The following DOCK9 variants were observed in gnomAD, a reference collection of about 807,000 sequenced individuals.
DOCK9 encodes dedicator of cytokinesis protein 9.
In DOCK9, 89 loss-of-function variants were observed where a neutral mutation model predicts 263.3. The ratio of observed to expected loss-of-function variants is 0.34; its 90% CI spans 0.28 to 0.40. The LOEUF is 0.40. DOCK9 is among the 10% of genes least tolerant of loss of function. The pLI is 1.00. For missense variants in DOCK9, 2,140 were observed against 2,603.4 expected (o/e 0.82, Z 3.87); for synonymous variants, 976 against 973.1 (o/e 1.00, Z -0.06).
chr13:98,860,209 G>A (rs1002487864), intron 33 of DOCK9, 196 bp downstream of exon 33: 1 of 1,422,188 alleles, frequency 7.0e-7, no homozygotes, highest in Non-Finnish European at 9.2e-7. Context: ...GGAGTCACAG[G>A]CATCCGGGAC....
intron 1 of DOCK9, among the ~76,000 whole-genome samples, chr13:99,052,015 C>T (rs1239094572): frequency 6.6e-6 from 1 of 152,170 alleles, no homozygotes; most frequent in Non-Finnish European, 1.5e-5. Flanking sequence ...GCAACAGAAG[C>T]CAAACTGATA....
intron 1 of DOCK9, among the ~76,000 whole-genome samples, chr13:98,991,847 A>T (rs575221769): frequency 9.9e-5 from 15 of 152,156 alleles, no homozygotes; most frequent in East Asian, 1.9e-4. Context: ...AAGTAAAAAA[A>T]AATAATAATA....
chr13:98,800,548 T>C (rs2090000104), intron 49 of DOCK9, 70 bp from the exon 50 acceptor site: 1 of 1,510,790 alleles, frequency 6.6e-7, no homozygotes, highest in Non-Finnish European at 9.0e-7. Context: ...CTGATTATTA[T>C]TAGAAGTGAT....
intron 1 of DOCK9, among the ~76,000 whole-genome samples, chr13:99,041,457 T>C (rs553014630): frequency 6.8e-6 from 1 of 147,878 alleles, no homozygotes; most frequent in Admixed American, 6.8e-5. Flanking sequence ...CATTCCAGCC[T>C]GGGAAACAAA....
chr13:98,993,217 C>T (rs1376023182), intron 1 of DOCK9, among the ~76,000 whole-genome samples: 1 of 152,112 alleles, frequency 6.6e-6, no homozygotes, highest in Non-Finnish European at 1.5e-5. Context: ...CTTCAATTAC[C>T]GGCACAATTC....
chr13:99,026,720 A>C (rs1219298900), intron 1 of DOCK9, among the ~76,000 whole-genome samples: 1 of 151,822 alleles, frequency 6.6e-6, no homozygotes, highest in Non-Finnish European at 1.5e-5. Flanking sequence ...AAAAAATACC[A>C]ATTGGAGAAA....
chr13:98,863,258 A>C (rs879750872), intron 31 of DOCK9, 112 bp downstream of exon 31: 166 of 1,515,592 alleles, frequency 1.1e-4, no homozygotes, highest in Admixed American at 1.6e-4. Flanking sequence ...GTCCCAAAAT[A>C]GAGCAAAATC....
upstream of DOCK9, among the ~76,000 whole-genome samples, chr13:98,982,200 A>G (rs1431680655): frequency 3.9e-5 from 6 of 152,216 alleles, no homozygotes; most frequent in Non-Finnish European, 7.4e-5. Context: ...TCGGGTACTC[A>G]AAACCATGAA....
chr13:98,809,491 C>A, intron 46 of DOCK9, 26 bp from the exon 47 acceptor site: 1 of 1,545,930 alleles, frequency 6.5e-7, no homozygotes, highest in Non-Finnish European at 8.8e-7. Context: ...AAGCCCATTT[C>A]TTCCCATGTG....
At chr13:98,967,689 C>T (rs1209311081) in intron 1 of DOCK9, among the ~76,000 whole-genome samples, 3 of 152,222 alleles carry the variant, frequency 2.0e-5, no homozygotes, top group Admixed American at 6.5e-5. Flanking sequence ...ATTCTCCCCA[C>T]TCTGAGATCT....
intron 2 of DOCK9, among the ~76,000 whole-genome samples, chr13:98,948,807 G>T (rs1343812425): frequency 1.1e-4 from 17 of 152,106 alleles, no homozygotes; most frequent in Non-Finnish European, 2.9e-5. Context: ...AACAGTATTT[G>T]TCCTTCTGTC....
At chr13:98,856,068 A>T in intron 33 of DOCK9, 37 bp from the exon 34 acceptor site, 1 of 1,607,242 alleles carries the variant, frequency 6.2e-7, no homozygotes, top group Non-Finnish European at 8.5e-7. Flanking sequence ...AGTTTTATTA[A>T]GACAGAACAA....
At chr13:98,896,033 T>C (rs2047375092) in intron 15 of DOCK9, among the ~76,000 whole-genome samples, 1 of 152,100 alleles carries the variant, frequency 6.6e-6, no homozygotes, top group African/African-American at 2.4e-5. Flanking sequence ...CCTTCTCCAA[T>C]TCCCTACGTG....
intron 15 of DOCK9, among the ~76,000 whole-genome samples, chr13:98,895,927 C>CAGAT (rs990447629): frequency 4.6e-5 from 7 of 152,162 alleles, no homozygotes; most frequent in African/African-American, 1.4e-4. Flanking sequence ...ATAAAACTGT[C>CAGAT]AGATAGTGAC....
chr13:98,881,728 T>C, intron 24 of DOCK9, 101 bp from the exon 25 acceptor site: 4 of 1,339,454 alleles, frequency 3.0e-6, no homozygotes, highest in East Asian at 5.0e-5. Flanking sequence ...TATCAGCACT[T>C]AGGAAACAAG....
intron 38 of DOCK9, chr13:98,845,430 T>C: frequency 8.3e-7 from 1 of 1,200,378 alleles, no homozygotes. Flanking sequence ...CCTCACAAAT[T>C]GATTCATGGG....
At chr13:99,074,617 T>C (rs2041833690) in intron 1 of DOCK9, among the ~76,000 whole-genome samples, 1 of 127,788 alleles carries the variant, frequency 7.8e-6, no homozygotes, top group Non-Finnish European at 1.6e-5. Flanking sequence ...TCCCAGAATG[T>C]GTGATACAAA....
chr13:98,897,518 T>A lies in DOCK9; in HGVS notation c.1679A>T (p.Asp560Val). 6.2e-7 allele frequency: 1 copy of A among 1,613,860 alleles called. No individual in the cohort carries two copies. The highest frequency in any genetic ancestry group is 2.2e-5 in the East Asian group (1 of 44,874). ...AAAGTCTGCAAGTAACTTGAGCATG[T>A]CATCATTGGATAGCTTATTGCTGTC... ...RQDSNKLSND[D>V]MLKLLADFRK... is the part of the protein sequence containing the mutation. Residue 560 changes from aspartate (D) to valine (V), a missense_variant, in exon 15 of 53, where the codon GAC becomes GTC. Transcript: ENST00000682017.
intron 9 of DOCK9, among the ~76,000 whole-genome samples, chr13:98,913,109 C>G (rs1595248059): frequency 6.6e-6 from 1 of 152,204 alleles, no homozygotes; most frequent in Admixed American, 6.5e-5. Flanking sequence ...AAAAACAATG[C>G]TCTAAAGCCC....
Sources: allele counts gnomAD v4.1 joint callset (sites outside exome capture counted in the v4.1 genomes callset), GRCh38; gene constraint gnomAD v4.1.1; transcripts MANE v1.5; gene names NCBI Gene and HGNC (gene_info 2026-07-23, HGNC 2026-07-21).